The following TRIP11 variants were observed in gnomAD, a reference collection of about 807,000 sequenced individuals.
TRIP11 encodes thyroid receptor-interacting protein 11.
In TRIP11, 148 loss-of-function variants were observed where a neutral mutation model predicts 223.1. The observed-to-expected ratio is 0.66, with a 90% confidence interval of 0.58 to 0.76. The LOEUF (loss-of-function observed/expected upper bound fraction) is 0.76, where lower values mean the gene tolerates loss of function less well. TRIP11 is among the 30% of genes least tolerant of loss of function. The pLI is 0.00. For missense variants in TRIP11, 2,043 were observed against 2,222.0 expected (o/e 0.92, Z 1.62); for synonymous variants, 762 against 772.6 (o/e 0.99, Z 0.23).
chr14:92,000,716 C>CGTGCT (rs2056813661), intron 11 of TRIP11, among the ~76,000 whole-genome samples: 1 of 152,168 alleles, frequency 6.6e-6, no homozygotes, highest in Non-Finnish European at 1.5e-5. Flanking sequence ...CACGTATGTG[C>CGTGCT]GTGCTGTCCA....
chr14:92,031,387 G>A (rs965297764), intron 2 of TRIP11, among the ~76,000 whole-genome samples: 1 of 152,042 alleles, frequency 6.6e-6, no homozygotes, highest in Non-Finnish European at 1.5e-5. Context: ...TTACAGGCAT[G>A]AGCCACCGTG....
rs1378528757 is a variant in TRIP11, at chr14:92,004,695, T to G, written c.3281A>C (p.Tyr1094Ser). ...VVYLQQQLQA[Y>S]AMEREKVFAV... is the part of the protein sequence containing the mutation. ...AAATACCTTTTCTCTTTCCATAGCA[T>G]AAGCCTGCAGTTGCTGTTGAAGGTA... The change falls in exon 11 of 21, where the codon TAT becomes TCT. Residue 1094 changes from tyrosine (Y) to serine (S), a missense_variant. By Grantham distance (144) the Tyr-to-Ser change is moderately radical. Transcript: ENST00000267622. The G allele has an allele frequency of 6.2e-7, 1 of 1,614,170 alleles. No homozygotes were observed. Among genetic ancestry groups the G allele is most frequent in the Admixed American group, 1.7e-5 (1 of 60,022 alleles).
In TRIP11 at chr14:92,039,821, G is replaced by A; in HGVS notation, c.-136C>T. 2 of 1,534,668 alleles carry A rather than the reference G, an allele frequency of 1.3e-6. No individual in the cohort carries two copies. The highest frequency in any genetic ancestry group is 2.5e-5 in the East Asian group (1 of 40,768). On this transcript the variant is annotated 5_prime_UTR_variant, in exon 1 of 21. Coordinates refer to ENST00000267622, the MANE Select transcript of TRIP11 (RefSeq NM_004239.4). ...CGATAACACAAAGCTGGGTTCTCAG[G>A]CAAGGCCGACTCCAGGTTCTGCCTA... is the stretch of plus-strand genomic sequence containing the variant.
intron 4 of TRIP11, among the ~76,000 whole-genome samples, chr14:92,018,950 G>T (rs954665799): frequency 6.2e-5 from 6 of 97,486 alleles, no homozygotes; most frequent in South Asian, 3.9e-4. Context: ...GACAGAGCAA[G>T]ACTCCATCTC....
Position 91,999,287 on chromosome 14 carries a change from T to A in TRIP11, c.4845A>T (p.Val1615=). The stretch of plus-strand genomic sequence containing the variant: ...AGGATGAAACTAGCTTTTCCTCCAA[T>A]ACTGTGACTTTCTTTCTTAGTTTAG... The part of the protein sequence containing the change: ...REAKLRKKVT[V]LEEKLVSSSN... The change falls in exon 13 of 21, where the codon GTA becomes GTT. Residue 1615 remains valine, a synonymous_variant. Transcript: ENST00000267622. 1 of 1,613,894 alleles carries A rather than the reference T, an allele frequency of 6.2e-7. No homozygotes were observed. The highest frequency in any genetic ancestry group is 8.5e-7 in the Non-Finnish European group (1 of 1,179,902).
chr14:91,974,126 A>G (rs919624815), intron 19 of TRIP11, among the ~76,000 whole-genome samples: 13 of 152,212 alleles, frequency 8.5e-5, no homozygotes, highest in African/African-American at 3.1e-4. Context: ...CCTACAACAT[A>G]CCAGGCACTG....
intron 1 of TRIP11, among the ~76,000 whole-genome samples, chr14:92,038,169 A>C (rs2057344002): frequency 6.6e-6 from 1 of 152,224 alleles, no homozygotes; most frequent in African/African-American, 2.4e-5. Flanking sequence ...TAGGAAACTG[A>C]GAGTGAAGCT....
chr14:91,990,769 G>A (rs2056661667), intron 15 of TRIP11, among the ~76,000 whole-genome samples: 1 of 152,216 alleles, frequency 6.6e-6, no homozygotes. Context: ...TTGAGCCCAG[G>A]AGTTTGAGAC....
At chr14:91,998,784 C>T (rs762258599) in intron 13 of TRIP11, among the ~76,000 whole-genome samples, 13 of 151,804 alleles carry the variant, frequency 8.6e-5, no homozygotes, top group Non-Finnish European at 1.9e-4. Flanking sequence ...TGCTAATAAA[C>T]CCAGTTAATT....
chr14:92,026,804 T>A, intron 2 of TRIP11: 1 of 1,324,018 alleles, frequency 7.6e-7, no homozygotes, highest in Non-Finnish European at 1.1e-6. Flanking sequence ...GGAAGCTGAG[T>A]CAGCTACCGG....
chr14:92,016,342 T>C (rs898342411), intron 5 of TRIP11, among the ~76,000 whole-genome samples: 2 of 152,156 alleles, frequency 1.3e-5, no homozygotes, highest in South Asian at 4.1e-4. Flanking sequence ...CGCAGGAACC[T>C]GGATCTTGAG....
chr14:92,003,893 T>G lies in TRIP11; in HGVS notation c.4083A>C (p.Ala1361=). 6.2e-7 allele frequency: 1 copy of G among 1,614,092 alleles called. No individual in the cohort carries two copies. The highest frequency in any genetic ancestry group is 8.5e-7 in the Non-Finnish European group (1 of 1,180,052). The change falls in exon 11 of 21, where the codon GCA becomes GCC. Residue 1361 remains alanine, a synonymous_variant. Coordinates refer to ENST00000267622, the MANE Select transcript of TRIP11 (RefSeq NM_004239.4). The part of the protein sequence containing the change: ...ELRKSLQEKD[A]TIRTLQENNH... ...TATTTTCCTGGAGAGTTCTAATTGT[T>G]GCATCTTTTTCCTGTAGTGATTTTC...
intron 3 of TRIP11, among the ~76,000 whole-genome samples, chr14:92,022,830 T>C (rs2295170): frequency 0.22 from 32,751 of 152,062 alleles, 3,729 homozygotes; most frequent in East Asian, 0.34. Context: ...AACAAGTTTT[T>C]CATATTGGAG....
rs1225536296 is a variant in TRIP11 at position 92,004,970 on chromosome 14, A to G, written c.3006T>C (p.Leu1002=). 1 of 1,613,726 alleles carries G rather than the reference A, an allele frequency of 6.2e-7. No individual in the cohort carries two copies. The highest frequency in any genetic ancestry group is 8.5e-7 in the Non-Finnish European group (1 of 1,179,974). The change falls in exon 11 of 21, where the codon CTT becomes CTC. Residue 1002 remains leucine (L), a synonymous_variant. Coordinates refer to ENST00000267622, the MANE Select transcript of TRIP11 (RefSeq NM_004239.4). Reference sequence around the variant, plus strand: ...GCTTTTCACTTCCATTTTCTATATTAAGGCTCTGAACTTTTGTTTCTTGAA... The same window carrying G: ...GCTTTTCACTTCCATTTTCTATATTGAGGCTCTGAACTTTTGTTTCTTGAA... ...DIFQETKVQS[L]NIENGSEKHD... is the part of the protein sequence containing the mutation.
chr14:91,994,331 G>A lies in TRIP11; in HGVS notation c.5057-419C>T, dbSNP rs182604554. Among the ~76,000 whole-genome samples, 9 of 149,956 alleles carry A rather than the reference G, an allele frequency of 6.0e-5. No homozygotes were observed. The East Asian group carries it at 1.6e-3, about 26-fold the overall frequency. On this transcript the variant is annotated intron_variant, in intron 14 of 20. Coordinates refer to ENST00000267622, the MANE Select transcript of TRIP11 (RefSeq NM_004239.4). The stretch of plus-strand genomic sequence containing the variant: ...GCTGGAGTGCAGTGGTGTCATCTCG[G>A]CTCACTCACTGCAACCTCCTCCTCC...
chr14:92,039,365 C>A (rs1234258101), intron 1 of TRIP11, among the ~76,000 whole-genome samples, 182 bp downstream of exon 1: 3 of 152,124 alleles, frequency 2.0e-5, no homozygotes, highest in Admixed American at 1.3e-4. Context: ...TCCCCTGGCC[C>A]CCAGTGGTCT....
At chr14:91,995,616 T>C in intron 13 of TRIP11, 101 bp from the exon 14 acceptor site, 2 of 1,241,372 alleles carry the variant, frequency 1.6e-6, no homozygotes, top group Non-Finnish European at 2.2e-6. Context: ...TTTTATTTTA[T>C]TTCTTTTTTT....
chr14:92,013,039 T>G (rs1474248505), intron 7 of TRIP11, among the ~76,000 whole-genome samples: 2 of 152,114 alleles, frequency 1.3e-5, no homozygotes, highest in South Asian at 4.1e-4. Context: ...GTGGCCAAGG[T>G]GGGCAGATCA....
At chr14:91,992,138 G>C (rs1231742925) in intron 15 of TRIP11, among the ~76,000 whole-genome samples, 3 of 135,712 alleles carry the variant, frequency 2.2e-5, no homozygotes, top group African/African-American at 8.1e-5. Context: ...TTTACATATA[G>C]TTCAAATTCC....
Sources: gnomAD v4.1 joint callset for allele counts (sites outside exome capture counted in the v4.1 genomes callset) on GRCh38, gnomAD v4.1.1 for gene constraint, MANE v1.5 for transcripts, NCBI Gene and HGNC (gene_info 2026-07-23, HGNC 2026-07-21) for gene names.